The following MED13 variants were observed in gnomAD, a reference collection of about 807,000 sequenced individuals.
The protein encoded by MED13 is mediator complex subunit 13, also known as mediator of RNA polymerase II transcription subunit 13.
Under a neutral mutation model 225.2 loss-of-function variants are expected in MED13, and 23 were observed. The observed-to-expected ratio is 0.10, with a 90% CI of 0.07 to 0.14. MED13 has a LOEUF of 0.14. MED13 is among the 10% of genes least tolerant of loss of function. The pLI is 1.00. For missense variants in MED13, 2,197 were observed against 2,594.5 expected, an observed-to-expected ratio of 0.85 and a Z score of 3.33; for synonymous variants, 942 against 889.2, an observed-to-expected ratio of 1.06 and a Z score of -1.06.
In MED13 at chr17:61,968,041, T is replaced by C. The variant is rs1364203726; in HGVS notation, c.4185A>G (p.Ile1395Met). The stretch of plus-strand genomic sequence containing the variant: ...TCTCTTTTTAAACACCTACCTCATA[T>C]ATTGCAGTAAGATCTCTAAAAAAGC... Reference protein sequence around the residue: ...AKSFFRDLTAIYESCRLGQHR... With the variant: ...AKSFFRDLTAMYESCRLGQHR... The change falls in exon 18 of 30, where the codon ATA becomes ATG. Residue 1395 changes from isoleucine (I) to methionine (M), a missense_variant. Around this residue, in one of 12 missense-constraint regions of MED13, gnomAD observed 457 missense variants for 442.2 expected, o/e 1.03. Transcript: ENST00000397786. 3 of 1,606,604 alleles carry C rather than the reference T, an allele frequency of 1.9e-6. No homozygotes were observed. The highest frequency in any genetic ancestry group is 2.6e-6 in the Non-Finnish European group (3 of 1,173,456).
Position 61,984,737 on chromosome 17 carries a change from G to C in MED13, c.2605C>G (p.Leu869Val). Residue 869 changes from leucine (L) to valine (V), a missense_variant, in exon 14 of 30, where the codon CTA becomes GTA. By Grantham distance (32) the Leu-to-Val change is conservative (BLOSUM62 1). This residue lies in a region of MED13 where 160 missense variants were observed against 184.8 expected (regional missense o/e 0.87). Transcript: ENST00000397786. ...CCTATACTAGAACTATTTCCTTCTA[G>C]AACAGTTCCTCCAGGTGTTGTATCC... ...SMDTTPGGTV[L>V]EGNSSSIGAQ... is the part of the protein sequence containing the mutation. 2 of 1,613,782 alleles carry C rather than the reference G, an allele frequency of 1.2e-6. No homozygotes were observed. The highest frequency in any genetic ancestry group is 1.7e-6 in the Non-Finnish European group (2 of 1,179,772).
At chr17:62,008,947 C>A (rs1006806688) in intron 9 of MED13, among the ~76,000 whole-genome samples, 1 of 151,766 alleles carries the variant, frequency 6.6e-6, no homozygotes, top group Admixed American at 6.6e-5. Flanking sequence ...AAACATAAAT[C>A]GATAATGAAA....
chr17:61,950,850 T>C lies in MED13; in HGVS notation c.6266A>G (p.Gln2089Arg). 1 of 1,612,868 alleles carries C rather than the reference T, an allele frequency of 6.2e-7. No individual in the cohort carries two copies. Among genetic ancestry groups the C allele is most frequent in the Non-Finnish European group, 8.5e-7 (1 of 1,179,488 alleles). Residue 2089 changes from glutamine to arginine, a missense_variant, in exon 28 of 30, where the codon CAA becomes CGA. Coordinates refer to ENST00000397786, the MANE Select transcript of MED13 (RefSeq NM_005121.3). ...DWFWSACPQA[Q>R]YQCPLFLKAS... ...CTTAAGAAAAAGGGGACACTGATAT[T>C]GTGCTTGAGGACATGCTGACCAGAA...
intron 8 of MED13, among the ~76,000 whole-genome samples, chr17:62,020,440 G>A (rs1281915676): frequency 1.3e-5 from 2 of 151,694 alleles, no homozygotes; most frequent in African/African-American, 2.4e-5. Flanking sequence ...GCAGTGGCAC[G>A]ATCTCGGCTC....
intron 3 of MED13, among the ~76,000 whole-genome samples, chr17:62,043,647 G>A (rs1311403224): frequency 6.6e-6 from 1 of 152,066 alleles, no homozygotes; most frequent in African/African-American, 2.4e-5. Context: ...AAATACAATA[G>A]CCAATACACA....
chr17:61,993,176 T>A (rs967319490), intron 10 of MED13, among the ~76,000 whole-genome samples: 4 of 150,724 alleles, frequency 2.7e-5, no homozygotes, highest in African/African-American at 4.9e-5. Flanking sequence ...AATTCCAAAG[T>A]CCATGTTCTT....
chr17:61,963,258 C>T (rs1603392458), intron 20 of MED13, among the ~76,000 whole-genome samples: 1 of 81,030 alleles, frequency 1.2e-5, no homozygotes, highest in Non-Finnish European at 2.2e-5. Context: ...ATTCTTAAAA[C>T]CATAGGGTAA....
Position 62,029,521 on chromosome 17 carries a change from T to C in MED13, c.1283+20A>G. 6.3e-7 allele frequency: 1 copy of C among 1,581,390 alleles called. No homozygotes were observed. The highest frequency in any genetic ancestry group is 8.7e-7 in the Non-Finnish European group (1 of 1,150,528). On this transcript the variant is annotated intron_variant, in intron 8 of 29. Transcript: ENST00000397786. ...ACAAACTATCACACATAGGCATCAATCGATCGGGAAATAATCTACCTCAAA... is the reference window on the plus strand; with the variant it reads ...ACAAACTATCACACATAGGCATCAACCGATCGGGAAATAATCTACCTCAAA...
At chr17:61,951,368 G>A (rs1300422100) in intron 27 of MED13, among the ~76,000 whole-genome samples, 1 of 152,092 alleles carries the variant, frequency 6.6e-6, no homozygotes, top group East Asian at 1.9e-4. Context: ...ATCAAAAGGT[G>A]GATTCAATTT....
At chr17:62,060,902 GT>G (rs2081034158) in intron 2 of MED13, among the ~76,000 whole-genome samples, 1 of 151,974 alleles carries the variant, frequency 6.6e-6, no homozygotes, top group Non-Finnish European at 1.5e-5. Context: ...GTTTCACCAT[GT>G]TGGCCAGGAT....
chr17:62,004,231 T>C (rs956394608), intron 9 of MED13: 3 of 152,224 alleles, frequency 2.0e-5, no homozygotes, highest in African/African-American at 2.4e-5. Flanking sequence ...GGTGTGTGTG[T>C]TTATGCTAGA....
intron 2 of MED13, among the ~76,000 whole-genome samples, chr17:62,058,224 A>G (rs1047714121): frequency 6.6e-6 from 1 of 152,132 alleles, no homozygotes; most frequent in Non-Finnish European, 1.5e-5. Flanking sequence ...CAATTTTTAA[A>G]AAAAAGGGGC....
Position 61,971,278 on chromosome 17 carries a change from T to G in MED13, c.3967+1449A>C, listed in dbSNP as rs545489633. ...GAAATAAATAAATAAATATCTACTTTTTTTTTTTTTTTTTTGAGATGGAGT... is the reference window on the plus strand; with the variant it reads ...GAAATAAATAAATAAATATCTACTTGTTTTTTTTTTTTTTTGAGATGGAGT... On this transcript the variant is annotated intron_variant, in intron 17 of 29. Transcript: ENST00000397786. Among the ~76,000 whole-genome samples, 34 of 149,544 alleles carry G rather than the reference T, an allele frequency of 2.3e-4. 1 individual carries two copies. In the East Asian group the frequency reaches 6.6e-3, roughly 29 times the overall value.
chr17:62,025,793 T>A (rs990982840), intron 8 of MED13, among the ~76,000 whole-genome samples: 1 of 152,260 alleles, frequency 6.6e-6, no homozygotes, highest in East Asian at 1.9e-4. Context: ...GTGGTTTTTT[T>A]AGCTATTTTA....
rs114413373 is a variant in MED13, at chr17:62,064,904, G to A, written c.66+236C>T. Among the ~76,000 whole-genome samples the A allele has an allele frequency of 3.7e-3, 571 of 152,312 alleles. 2 individuals carry two copies. The highest frequency in any genetic ancestry group is 0.012 in the African/African-American group (517 of 41,578). On this transcript the variant is annotated intron_variant, in intron 1 of 29. Coordinates refer to ENST00000397786, the MANE Select transcript of MED13 (RefSeq NM_005121.3). ...GTTGAGGACGAGACTACGGTGAGAAGGAGAGTCCGAAACAAGACGAGAAAA... is the reference window on the plus strand; with the variant it reads ...GTTGAGGACGAGACTACGGTGAGAAAGAGAGTCCGAAACAAGACGAGAAAA...
chr17:62,052,515 G>A (rs758274720), intron 3 of MED13, 22 bp downstream of exon 3: 6 of 1,511,538 alleles, frequency 4.0e-6, no homozygotes, highest in Admixed American at 2.0e-5. Context: ...GAAATATCAC[G>A]TCAGAATTTA....
In MED13 at chr17:62,058,520, C is replaced by CAAA. The variant is rs751957495; in HGVS notation, c.301+4544_301+4546dup. Among the ~76,000 whole-genome samples the CAAA allele has an allele frequency of 8.2e-3, 439 of 53,230 alleles. 6 individuals are homozygous for CAAA. Among genetic ancestry groups the CAAA allele is most frequent in the African/African-American group, 0.029 (374 of 12,936 alleles). 34.9% of individuals were successfully genotyped at this position (53,230 alleles called of 152,430 possible). On this transcript the variant is annotated intron_variant, in intron 2 of 29. Coordinates refer to ENST00000397786, the MANE Select transcript of MED13 (RefSeq NM_005121.3). The stretch of plus-strand genomic sequence containing the variant: ...TGGGAGACAGAGCGAGACTTCATCT[C>CAAA]AAAAAAAAAAAAAAAAAAAAAAGAA...
chr17:62,023,651 C>T (rs1472525438), intron 8 of MED13, among the ~76,000 whole-genome samples: 1 of 152,172 alleles, frequency 6.6e-6, no homozygotes, highest in Non-Finnish European at 1.5e-5. Flanking sequence ...ATTTAATTCC[C>T]TGCAATACAG....
At chr17:62,064,129 G>C (rs1213079932) in intron 1 of MED13, among the ~76,000 whole-genome samples, 52 of 152,220 alleles carry the variant, frequency 3.4e-4, no homozygotes, top group Non-Finnish European at 4.0e-4. Flanking sequence ...TTGCCAACTA[G>C]TTGTGCTCCT....
Sources: allele counts gnomAD v4.1 joint callset (sites outside exome capture counted in the v4.1 genomes callset), GRCh38; gene constraint gnomAD v4.1.1; regional missense constraint gnomAD v4.1.1; transcripts MANE v1.5; gene names NCBI Gene and HGNC (gene_info 2026-07-23, HGNC 2026-07-21).